Variants in ELFN1 observed in about 807,000 individuals in gnomAD.
ELFN1 encodes the protein protein ELFN1.
A neutral mutation model predicts 7.6 loss-of-function variants in ELFN1; 6 were observed. That is an observed-to-expected ratio of 0.79 (90% confidence interval 0.43 to 1.56). The LOEUF is 1.56. Among genes scored for constraint, ELFN1 ranks in the 40% most tolerant of loss-of-function variants. The probability of loss-of-function intolerance (pLI) is 0.01; values close to 1 mark genes in which losing one functional copy is unlikely to be tolerated. For synonymous variants in ELFN1, 657 were observed against 588.1 expected (o/e 1.12, Z -1.70); for missense variants, 1,169 against 1,232.2 (o/e 0.95, Z 0.77).
chr7:1,698,671 CTG>C (rs1779366631), intron 2 of ELFN1, among the ~76,000 whole-genome samples: 1 of 152,196 alleles, frequency 6.6e-6, no homozygotes, highest in African/African-American at 2.4e-5. Context: ...GAGATGTAAA[CTG>C]TGGCTCCACC....
chr7:1,721,330 T>C (rs1489277619), intron 3 of ELFN1, among the ~76,000 whole-genome samples: 2 of 152,234 alleles, frequency 1.3e-5, no homozygotes, highest in Non-Finnish European at 2.9e-5. Flanking sequence ...GGAAAATCCC[T>C]TTCCCTCTCA....
At chr7:1,734,729 T>A (rs564713549) in intron 3 of ELFN1, among the ~76,000 whole-genome samples, 1 of 150,928 alleles carries the variant, frequency 6.6e-6, no homozygotes, top group Admixed American at 6.6e-5. Flanking sequence ...TGAGACAGGA[T>A]CTCTGTCACC....
chr7:1,737,384 C>T (rs545425360), intron 3 of ELFN1, among the ~76,000 whole-genome samples: 4 of 152,096 alleles, frequency 2.6e-5, no homozygotes, highest in East Asian at 3.9e-4. Flanking sequence ...CTCCGGGTCT[C>T]GGGGGCACAG....
chr7:1,675,656 C>CG (rs1242525577), intron 1 of ELFN1, among the ~76,000 whole-genome samples: 1 of 152,186 alleles, frequency 6.6e-6, no homozygotes, highest in African/African-American at 2.4e-5. Context: ...GGGGGGCCGT[C>CG]GGGGGGCTCC....
chr7:1,723,536 G>A (rs570918341), intron 3 of ELFN1, among the ~76,000 whole-genome samples: 4 of 152,176 alleles, frequency 2.6e-5, no homozygotes, highest in African/African-American at 4.8e-5. Flanking sequence ...TCGGGCCCAC[G>A]CCTCACAAGG....
chr7:1,732,940 A>C (rs1270753174), intron 3 of ELFN1, among the ~76,000 whole-genome samples: 1 of 152,098 alleles, frequency 6.6e-6, no homozygotes, highest in Non-Finnish European at 1.5e-5. Context: ...TCACTCTGTC[A>C]CCCAGGCTGG....
chr7:1,741,185 G>A (rs1180931838), intron 3 of ELFN1, among the ~76,000 whole-genome samples: 1 of 152,050 alleles, frequency 6.6e-6, no homozygotes, highest in Non-Finnish European at 1.5e-5. Context: ...CAAAGCTGGG[G>A]GCCATAGAGG....
chr7:1,682,481 C>T (rs1034520506), intron 1 of ELFN1, among the ~76,000 whole-genome samples: 5 of 151,858 alleles, frequency 3.3e-5, no homozygotes, highest in Non-Finnish European at 7.4e-5. Flanking sequence ...TACTCTGTTT[C>T]CCAGGCTGGA....
chr7:1,698,153 A>C (rs1339384814), intron 2 of ELFN1, among the ~76,000 whole-genome samples: 1 of 152,200 alleles, frequency 6.6e-6, no homozygotes, highest in East Asian at 1.9e-4. Flanking sequence ...TTGAACATCT[A>C]GCCAAATTTT....
intron 3 of ELFN1, among the ~76,000 whole-genome samples, chr7:1,711,617 A>AGCGC: frequency 7.1e-6 from 1 of 141,440 alleles, no homozygotes; most frequent in African/African-American, 3.0e-5. Flanking sequence ...AGAGAGAGAG[A>AGCGC]GAGAGAGAGA....
chr7:1,718,371 C>G (rs1013758039), intron 3 of ELFN1, among the ~76,000 whole-genome samples: 7 of 152,144 alleles, frequency 4.6e-5, no homozygotes, highest in African/African-American at 1.7e-4. Context: ...GCCGCAGTAC[C>G]TTGTGGGAAG....
At chr7:1,718,462 C>T (rs1583360906) in intron 3 of ELFN1, among the ~76,000 whole-genome samples, 1 of 152,300 alleles carries the variant, frequency 6.6e-6, no homozygotes, top group East Asian at 1.9e-4. Flanking sequence ...TCCACAGGCC[C>T]TCTCCTTGGT....
chr7:1,738,348 A>C (rs888933035), intron 3 of ELFN1, among the ~76,000 whole-genome samples: 3 of 151,570 alleles, frequency 2.0e-5, no homozygotes, highest in Non-Finnish European at 2.9e-5. Context: ...GAGATGCAGG[A>C]CCCCCTGTGG....
chr7:1,716,415 G>A (rs1037466566), intron 3 of ELFN1, among the ~76,000 whole-genome samples: 2 of 152,206 alleles, frequency 1.3e-5, no homozygotes, highest in African/African-American at 2.4e-5. Context: ...CTGGGCAGGT[G>A]CCACTGAGTC....
upstream of ELFN1, among the ~76,000 whole-genome samples, chr7:1,668,634 A>G (rs1186372346): frequency 2.0e-5 from 3 of 152,132 alleles, no homozygotes; most frequent in Non-Finnish European, 4.4e-5. Flanking sequence ...GCAGCTGGGG[A>G]GACCTCACAG....
chr7:1,713,817 G>A (rs1397132804), intron 3 of ELFN1, among the ~76,000 whole-genome samples: 1 of 151,944 alleles, frequency 6.6e-6, no homozygotes, highest in African/African-American at 2.4e-5. Flanking sequence ...CCAGCGACTC[G>A]CCCAAGGCCA....
In ELFN1 at chr7:1,746,324, C is replaced by G; in HGVS notation, c.1728C>G (p.Leu576=). 6.4e-7 allele frequency: 1 copy of G among 1,559,584 alleles called. No individual in the cohort carries two copies. Among genetic ancestry groups the G allele is most frequent in the Non-Finnish European group, 8.7e-7 (1 of 1,152,836 alleles). Residue 576 remains leucine, a synonymous_variant, in exon 4 of 4, where the codon CTC becomes CTG. Coordinates refer to ENST00000424383, the MANE Select transcript of ELFN1 (RefSeq NM_001128636.4). ...TCATCAACAACTGCATCGACGCGCTCAAGTCCGAGTCCACCTCCTTCCAGG... is the reference window on the plus strand; with the variant it reads ...TCATCAACAACTGCATCGACGCGCTGAAGTCCGAGTCCACCTCCTTCCAGG... The part of the protein sequence containing the change: ...NQIINNCIDA[L]KSESTSFQGV...
intron 1 of ELFN1, among the ~76,000 whole-genome samples, chr7:1,671,717 C>T (rs955882715): frequency 3.3e-5 from 5 of 152,260 alleles, no homozygotes; most frequent in African/African-American, 1.2e-4. Flanking sequence ...CCCCTGGCCT[C>T]CTGCCCCCTG....
chr7:1,666,680 C>T (rs1212582317), upstream of ELFN1, among the ~76,000 whole-genome samples: 4 of 151,610 alleles, frequency 2.6e-5, no homozygotes, highest in East Asian at 7.8e-4. The surrounding 1 kb of genome is among the most constrained non-coding windows in gnomAD (Gnocchi z 7.9). Flanking sequence ...GCTGGGGTAG[C>T]CGCGGCGCCC....
Sources: allele counts gnomAD v4.1 joint callset (sites outside exome capture counted in the v4.1 genomes callset), GRCh38; gene constraint gnomAD v4.1.1; non-coding constraint Gnocchi (gnomAD v3.1); transcripts MANE v1.5; gene names NCBI Gene and HGNC (gene_info 2026-07-23, HGNC 2026-07-21).